Variants in LARP1B observed in about 807,000 individuals in gnomAD.
LARP1B encodes the protein la-related protein 1B.
Under a neutral mutation model 114.2 loss-of-function variants are expected in LARP1B, and 76 were observed. That is an observed-to-expected ratio of 0.67 (90% confidence interval 0.55 to 0.81). The LOEUF is 0.81. LARP1B is among the 30% of genes least tolerant of loss of function. The pLI, the probability that LARP1B is intolerant of heterozygous loss-of-function variation, is 0.00. For missense variants in LARP1B, 1,014 were observed against 1,075.8 expected (o/e 0.94, Z 0.80); for synonymous variants, 345 against 348.0 (o/e 0.99, Z 0.10).
chr4:128,153,370 G>A (rs2150343722), intron 11 of LARP1B, among the ~76,000 whole-genome samples: 1 of 151,678 alleles, frequency 6.6e-6, no homozygotes, highest in East Asian at 1.9e-4. Flanking sequence ...AGGCTGGAGT[G>A]CAGTGGCGCG....
intron 7 of LARP1B, among the ~76,000 whole-genome samples, chr4:128,094,049 A>T (rs1054960141): frequency 2.0e-5 from 3 of 147,566 alleles, no homozygotes. Flanking sequence ...TTTTTATTGC[A>T]GTCTACTTTT....
chr4:128,144,425 T>A (rs1031415182), intron 11 of LARP1B, among the ~76,000 whole-genome samples: 1 of 152,038 alleles, frequency 6.6e-6, no homozygotes, highest in African/African-American at 2.4e-5. Context: ...TTTTTTATGT[T>A]CCTTACTCAT....
chr4:128,074,496 T>G lies in LARP1B; in HGVS notation c.-41T>G, dbSNP rs1416164887. ...CTCAAAATTATAAAGGCAGGAAAGC[T>G]CAAGACAAAGAAATCCAACAAGGTA... On this transcript the variant is annotated 5_prime_UTR_variant, in exon 2 of 20. Coordinates refer to ENST00000326639, the MANE Select transcript of LARP1B (RefSeq NM_018078.4). The G allele has an allele frequency of 1.1e-6, 1 of 933,466 alleles. No homozygotes were observed. Among genetic ancestry groups the G allele is most frequent in the Non-Finnish European group, 1.3e-6 (1 of 782,214 alleles). The allele number at this position is 933,466 out of a possible 1,614,324, so 57.8% of individuals were successfully genotyped here.
chr4:128,082,655 G>A (rs1479784840), intron 5 of LARP1B, among the ~76,000 whole-genome samples: 1 of 150,776 alleles, frequency 6.6e-6, no homozygotes, highest in African/African-American at 2.4e-5. Flanking sequence ...TCTTGCTTTT[G>A]TCTTTCATGA....
At chr4:128,158,008 C>G (rs1436051248) in intron 11 of LARP1B, among the ~76,000 whole-genome samples, 4 of 152,006 alleles carry the variant, frequency 2.6e-5, no homozygotes, top group African/African-American at 9.7e-5. Flanking sequence ...CACAACAACG[C>G]TGGTGTAACT....
At chr4:128,073,223 G>A (rs1467238849) in intron 1 of LARP1B, among the ~76,000 whole-genome samples, 1 of 151,808 alleles carries the variant, frequency 6.6e-6, no homozygotes, top group Non-Finnish European at 1.5e-5. Flanking sequence ...AGACCAGCCT[G>A]GCTAAAATGG....
At chr4:128,166,434 A>G (rs772927167) in intron 12 of LARP1B, among the ~76,000 whole-genome samples, 1 of 151,924 alleles carries the variant, frequency 6.6e-6, no homozygotes, top group Non-Finnish European at 1.5e-5. Context: ...TGATCACCCT[A>G]CAAATATCCA....
At chr4:128,197,421 C>T (rs974687707) in intron 15 of LARP1B, among the ~76,000 whole-genome samples, 9 of 152,142 alleles carry the variant, frequency 5.9e-5, no homozygotes, top group African/African-American at 9.7e-5. Flanking sequence ...ATCAGCTGGG[C>T]GCAGTAGCTT....
chr4:128,091,073 T>A lies in LARP1B; in HGVS notation c.431T>A (p.Ile144Asn). The A allele has an allele frequency of 6.2e-7, 1 of 1,613,946 alleles. No individual in the cohort carries two copies. The highest frequency in any genetic ancestry group is 8.5e-7 in the Non-Finnish European group (1 of 1,179,844). ...VSSVRSEGGNIRGSFRGRGRG... is the reference protein window; with the variant it reads ...VSSVRSEGGNNRGSFRGRGRG... ...AGTGTGAGAAGTGAGGGTGGTAATA[T>A]CCGAGGTTCCTTTAGAGGTCGAGGA... Residue 144 changes from isoleucine to asparagine, a missense_variant, in exon 6 of 20, where the codon ATC becomes AAC. Physicochemically the swap from Ile to Asn is moderately radical, Grantham distance 149. Transcript: ENST00000326639.
At position 128,096,944 on chromosome 4, in the gene LARP1B, G is replaced by C. The variant is rs971783596; in HGVS notation, c.669-1242G>C. Among the ~76,000 whole-genome samples the C allele has an allele frequency of 2.6e-5, 4 of 151,960 alleles. No individual in the cohort carries two copies. In the South Asian group the frequency reaches 8.3e-4, roughly 32 times the overall value. The stretch of plus-strand genomic sequence containing the variant: ...TTTAGACAGTCTTGCTCTCGCCCAG[G>C]CTGGAGTATAGTGGCACCATCCCTG... On this transcript the variant is annotated intron_variant, in intron 7 of 19. Coordinates refer to ENST00000326639, the MANE Select transcript of LARP1B (RefSeq NM_018078.4).
At chr4:128,162,075 C>T in intron 11 of LARP1B, 119 bp from the exon 12 acceptor site, 1 of 818,650 alleles carries the variant, frequency 1.2e-6, no homozygotes. Context: ...ACGTCTTTTT[C>T]ACTCCATTGT....
intron 9 of LARP1B, among the ~76,000 whole-genome samples, chr4:128,110,617 C>A (rs1173406098): frequency 3.6e-4 from 45 of 125,296 alleles, no homozygotes; most frequent in Non-Finnish European, 6.7e-4. Flanking sequence ...GCGGAGCTTG[C>A]AGTGAGCCGA....
chr4:128,062,488 C>T (rs1216231991), intron 1 of LARP1B, among the ~76,000 whole-genome samples: 1 of 152,094 alleles, frequency 6.6e-6, no homozygotes, highest in Non-Finnish European at 1.5e-5. Flanking sequence ...GCGGCGCATC[C>T]CTGCTGGCGC....
At chr4:128,066,885 C>T (rs191265084) in intron 1 of LARP1B, among the ~76,000 whole-genome samples, 1 of 151,480 alleles carries the variant, frequency 6.6e-6, no homozygotes, top group Non-Finnish European at 1.5e-5. Context: ...CAACCCCCCA[C>T]CTCCCAGGTT....
rs1018593004 is a variant in LARP1B at position 128,211,753 on chromosome 4, A to G, written c.*1700A>G. ...AGTGTCCTTTTTGTGTTGAACACAT[A>G]TATCTGAAACCTGTATTTAACCAGA... is the stretch of plus-strand genomic sequence containing the variant. On this transcript the variant is annotated 3_prime_UTR_variant, in exon 20 of 20. Coordinates refer to ENST00000326639, the MANE Select transcript of LARP1B (RefSeq NM_018078.4). The G allele has an allele frequency of 9.5e-6, 9 of 951,884 alleles. No individual in the cohort carries two copies. The highest frequency in any genetic ancestry group is 1.0e-5 in the Non-Finnish European group (8 of 799,528). 59.0% of individuals were successfully genotyped at this position (951,884 alleles called of 1,614,324 possible).
intron 6 of LARP1B, among the ~76,000 whole-genome samples, chr4:128,217,857 CCT>C (rs1355290942): frequency 6.7e-6 from 1 of 149,812 alleles, no homozygotes; most frequent in Admixed American, 6.7e-5. Flanking sequence ...TCAAATTACC[CCT>C]GTTTGCAGAC....
intron 13 of LARP1B, 61 bp downstream of exon 13, chr4:128,176,968 A>G: frequency 7.1e-7 from 1 of 1,411,590 alleles, no homozygotes. Flanking sequence ...GGTATACAAA[A>G]GATGCAGGAA....
Position 128,089,480 on chromosome 4 carries a change from C to T in LARP1B, c.359-1521C>T, listed in dbSNP as rs112360603. Among the ~76,000 whole-genome samples, 1,283 of 151,576 alleles carry T rather than the reference C, an allele frequency of 8.5e-3. 8 individuals are homozygous for T. The highest frequency in any genetic ancestry group is 0.013 in the Non-Finnish European group (895 of 67,860). On this transcript the variant is annotated intron_variant, in intron 5 of 19. Transcript: ENST00000326639. ...CCTCCCGAGTAGCTGGGATTACCGG[C>T]GCCCACCACTATGTCTGGCTAATTT...
intron 19 of LARP1B, among the ~76,000 whole-genome samples, chr4:128,207,818 A>T (rs960894903): frequency 2.0e-5 from 3 of 152,248 alleles, no homozygotes; most frequent in Non-Finnish European, 2.9e-5. Context: ...GTGTGCAAGC[A>T]CAAGAGTGGT....
Sources: gnomAD v4.1 joint callset for allele counts (sites outside exome capture counted in the v4.1 genomes callset) on GRCh38, gnomAD v4.1.1 for gene constraint, MANE v1.5 for transcripts, NCBI Gene and HGNC (gene_info 2026-07-23, HGNC 2026-07-21) for gene names.